CAMK4: variants seen among roughly 807,000 people sequenced by gnomAD.
CAMK4 encodes the protein calcium/calmodulin-dependent protein kinase type IV.
CAMK4 carries 22 observed loss-of-function variants against 44.9 expected under a neutral mutation model. That is an observed-to-expected ratio of 0.49 (90% CI 0.35 to 0.70). The LOEUF (loss-of-function observed/expected upper bound fraction) is 0.70, where lower values mean the gene tolerates loss of function less well. Ranked by LOEUF, CAMK4 falls within the 30% of genes least tolerant of loss-of-function variation. CAMK4 has a pLI of 0.01. For missense variants in CAMK4, 498 were observed against 586.8 expected (o/e 0.85, Z 1.56); for synonymous variants, 218 against 215.4 (o/e 1.01, Z -0.11).
chr5:111,385,346 C>T (rs1045281293), intron 4 of CAMK4, among the ~76,000 whole-genome samples: 5 of 151,910 alleles, frequency 3.3e-5, no homozygotes, highest in Non-Finnish European at 5.9e-5. Context: ...ATCTTTTGAG[C>T]TGACTCTTAT....
At position 111,486,158 on chromosome 5, in the gene CAMK4, C is replaced by G. The variant is rs555044611; in HGVS notation, c.*1692C>G. The G allele has an allele frequency of 2.0e-5, 3 of 152,258 alleles. No individual in the cohort carries two copies. Among genetic ancestry groups the G allele is most frequent in the Admixed American group, 1.3e-4 (2 of 15,290 alleles). The allele number at this position is 152,258 out of a possible 1,614,324, so 9.4% of individuals were successfully genotyped here. On this transcript the variant is annotated 3_prime_UTR_variant, in exon 11 of 11. Transcript: ENST00000282356. ...CATTCTTCTTTTCAATCACAAATCTCTCTCTACTACTGTTCTCATGGGAAG... is the reference window on the plus strand; with the variant it reads ...CATTCTTCTTTTCAATCACAAATCTGTCTCTACTACTGTTCTCATGGGAAG...
At chr5:111,277,118 A>T (rs1750795940) in intron 1 of CAMK4, among the ~76,000 whole-genome samples, 1 of 152,208 alleles carries the variant, frequency 6.6e-6, no homozygotes, top group Non-Finnish European at 1.5e-5. Context: ...CCTAATTTTC[A>T]TTAAGATGTT....
chr5:111,263,303 T>G (rs1294860708), intron 1 of CAMK4, among the ~76,000 whole-genome samples: 1 of 152,258 alleles, frequency 6.6e-6, no homozygotes, highest in Non-Finnish European at 1.5e-5. Flanking sequence ...TAATTATTGT[T>G]AATGGTAAAG....
At chr5:111,278,969 G>A (rs773273246) in intron 1 of CAMK4, among the ~76,000 whole-genome samples, 17 of 152,152 alleles carry the variant, frequency 1.1e-4, no homozygotes, top group Non-Finnish European at 1.6e-4. Context: ...GTAGGGTACC[G>A]CAATACAACC....
intron 5 of CAMK4, among the ~76,000 whole-genome samples, chr5:111,418,828 A>C (rs1467114900): frequency 2.0e-5 from 3 of 152,192 alleles, no homozygotes; most frequent in African/African-American, 7.2e-5. Context: ...ACATTTTCTT[A>C]ATCCAGTCTA....
At chr5:111,249,389 C>A (rs10079605) in intron 1 of CAMK4, among the ~76,000 whole-genome samples, 2,252 of 151,240 alleles carry the variant, frequency 0.015, 59 homozygotes, top group African/African-American at 0.052. Context: ...AAAATATAAT[C>A]TAAATGTTCT....
At chr5:111,429,669 A>AGTG (rs1422964820) in intron 5 of CAMK4, among the ~76,000 whole-genome samples, 1 of 149,222 alleles carries the variant, frequency 6.7e-6, no homozygotes, top group Non-Finnish European at 1.5e-5. Flanking sequence ...CCAGCTACTC[A>AGTG]GGAGGCTGAG....
intron 2 of CAMK4, among the ~76,000 whole-genome samples, chr5:111,361,542 A>G (rs1750591360): frequency 6.6e-6 from 1 of 152,068 alleles, no homozygotes; most frequent in South Asian, 2.1e-4. Context: ...TATAAAAATT[A>G]CTAAAAGGCA....
At chr5:111,431,287 C>T (rs1368929387) in intron 5 of CAMK4, among the ~76,000 whole-genome samples, 5 of 152,116 alleles carry the variant, frequency 3.3e-5, no homozygotes, top group African/African-American at 4.8e-5. Flanking sequence ...ATAAATTGTT[C>T]TGGGAAAACT....
chr5:111,336,604 A>G (rs1165901596), intron 1 of CAMK4, among the ~76,000 whole-genome samples: 1 of 151,072 alleles, frequency 6.6e-6, no homozygotes, highest in Admixed American at 6.6e-5. Flanking sequence ...CCAAAAACGT[A>G]TTTATTAATT....
In CAMK4 at chr5:111,224,411, C is replaced by A. The variant is rs898223578; in HGVS notation, c.-73C>A. The A allele has an allele frequency of 4.7e-6, 7 of 1,484,290 alleles. No individual in the cohort carries two copies. The highest frequency in any genetic ancestry group is 6.2e-6 in the Non-Finnish European group (7 of 1,121,610). The allele number at this position is 1,484,290 out of a possible 1,614,324, so 91.9% of individuals were successfully genotyped here. On this transcript the variant is annotated 5_prime_UTR_variant, in exon 1 of 11. Transcript: ENST00000282356. This position sits in a 1 kb window ranked among gnomAD's most constrained non-coding sequence, Gnocchi z 5.7. The stretch of plus-strand genomic sequence containing the variant: ...CTCTCGCTCCTGCGTTCGCAGGCGG[C>A]GGCTGGCGGCCGGCTTCTCGCTCGG...
intron 1 of CAMK4, among the ~76,000 whole-genome samples, chr5:111,335,292 T>G (rs1364496542): frequency 6.6e-6 from 1 of 151,416 alleles, no homozygotes; most frequent in African/African-American, 2.4e-5. Context: ...TGTCTGAACA[T>G]TGTGCAATCT....
chr5:111,337,905 T>A (rs1167569840), intron 1 of CAMK4, among the ~76,000 whole-genome samples: 1 of 151,186 alleles, frequency 6.6e-6, no homozygotes, highest in Non-Finnish European at 1.5e-5. Context: ...GTCCCTAATG[T>A]CTTGCCCTGC....
intron 1 of CAMK4, among the ~76,000 whole-genome samples, chr5:111,281,975 G>A (rs1407232027): frequency 5.9e-5 from 9 of 151,540 alleles, no homozygotes; most frequent in African/African-American, 1.5e-4. Context: ...GGAGAATGGC[G>A]TGAACCCCAG....
At chr5:111,335,314 C>T (rs1749354611) in intron 1 of CAMK4, among the ~76,000 whole-genome samples, 1 of 151,284 alleles carries the variant, frequency 6.6e-6, no homozygotes, top group Non-Finnish European at 1.5e-5. Flanking sequence ...ATCTTCATTC[C>T]CAAAAATATT....
At chr5:111,397,014 A>G (rs543129059) in intron 5 of CAMK4, among the ~76,000 whole-genome samples, 2 of 152,228 alleles carry the variant, frequency 1.3e-5, no homozygotes, top group Admixed American at 1.3e-4. Context: ...TTACTTCTCC[A>G]TTTAATAATG....
intron 1 of CAMK4, among the ~76,000 whole-genome samples, chr5:111,267,192 G>GGAATA (rs1750286261): frequency 6.6e-6 from 1 of 151,976 alleles, no homozygotes. Flanking sequence ...CCCTAAATAG[G>GGAATA]GAATAAGCCA....
chr5:111,386,588 G>A (rs914965907), intron 4 of CAMK4, among the ~76,000 whole-genome samples: 2 of 152,222 alleles, frequency 1.3e-5, no homozygotes, highest in African/African-American at 2.4e-5. Flanking sequence ...TAGTGTTACA[G>A]AAGCAAATGC....
At chr5:111,472,808 G>A (rs144640012) in intron 7 of CAMK4, among the ~76,000 whole-genome samples, 33 of 152,148 alleles carry the variant, frequency 2.2e-4, no homozygotes, top group African/African-American at 6.7e-4. Context: ...TGCTGCAACC[G>A]TCTAGACTAG....
Sources: gnomAD v4.1 joint callset for allele counts (sites outside exome capture counted in the v4.1 genomes callset) on GRCh38, gnomAD v4.1.1 for gene constraint, Gnocchi (gnomAD v3.1) non-coding constraint, MANE v1.5 for transcripts, NCBI Gene and HGNC (gene_info 2026-07-23, HGNC 2026-07-21) for gene names.